The following SLC10A7 variants were observed in gnomAD, a reference collection of about 807,000 sequenced individuals.
SLC10A7 encodes solute carrier family 10 member 7.
A neutral mutation model predicts 43.2 loss-of-function variants in SLC10A7; 29 were observed. That is an observed-to-expected ratio of 0.67 (90% CI 0.50 to 0.92). The LOEUF is 0.92. SLC10A7 is among the 40% of genes least tolerant of loss of function. The pLI is 0.00. For synonymous variants in SLC10A7, 152 were observed against 144.8 expected (o/e 1.05, Z -0.35); for missense variants, 295 against 403.2 (o/e 0.73, Z 2.30).
Position 146,460,043 on chromosome 4 carries a change from A to G in SLC10A7, c.397-17222T>C, listed in dbSNP as rs184828102. On this transcript the variant is annotated intron_variant, in intron 4 of 11. Coordinates refer to ENST00000335472, the MANE Select transcript of SLC10A7 (RefSeq NM_001029998.6). The stretch of plus-strand genomic sequence containing the variant: ...GGCAAAAGATTTGAACAGACACTTC[A>G]CTGAAGAAGAGATGTGGATGACAAA... Among the ~76,000 whole-genome samples, 218 of 152,054 alleles carry G rather than the reference A, an allele frequency of 1.4e-3. 1 individual carries two copies. The highest frequency in any genetic ancestry group is 4.9e-3 in the African/African-American group (204 of 41,552).
intron 6 of SLC10A7, among the ~76,000 whole-genome samples, chr4:146,320,427 T>A (rs563865163): frequency 6.6e-6 from 1 of 151,990 alleles, no homozygotes; most frequent in East Asian, 1.9e-4. Flanking sequence ...GTTAGATGGA[T>A]CGTAAAGGTG....
chr4:146,390,892 G>T (rs1738379567), intron 5 of SLC10A7, among the ~76,000 whole-genome samples: 1 of 152,088 alleles, frequency 6.6e-6, no homozygotes, highest in Non-Finnish European at 1.5e-5. Flanking sequence ...TGGTTGTAAA[G>T]GTGGGAAATA....
rs375652313 is a variant in SLC10A7 at position 146,355,600 on chromosome 4, T to C, written c.436-29604A>G. On this transcript the variant is annotated intron_variant, in intron 5 of 11. Coordinates refer to ENST00000335472, the MANE Select transcript of SLC10A7 (RefSeq NM_001029998.6). ...AAGACACATGCACACGTATGTTTAT[T>C]GTGGCATTATTCACAATAGCAAAGA... Among the ~76,000 whole-genome samples the C allele has an allele frequency of 1.0e-3, 155 of 152,016 alleles. 1 individual carries two copies. In the East Asian group the frequency reaches 0.025, roughly 24 times the overall value.
intron 10 of SLC10A7, among the ~76,000 whole-genome samples, chr4:146,262,316 T>C (rs978407941): frequency 5.3e-5 from 8 of 152,106 alleles, no homozygotes; most frequent in Admixed American, 5.2e-4. Context: ...CATTTGGAAG[T>C]GGTGAGCTCA....
chr4:146,257,824 T>C (rs1001192), intron 11 of SLC10A7, among the ~76,000 whole-genome samples: 3,333 of 152,200 alleles, frequency 0.022, 112 homozygotes, highest in African/African-American at 0.076. Flanking sequence ...GATCCATCCT[T>C]TGAACCAGGT....
intron 5 of SLC10A7, among the ~76,000 whole-genome samples, chr4:146,430,717 T>A (rs867445354): frequency 1.3e-5 from 2 of 152,124 alleles, no homozygotes; most frequent in Non-Finnish European, 1.5e-5. Context: ...AAGCTCAGAG[T>A]ATAACCATCC....
intron 5 of SLC10A7, among the ~76,000 whole-genome samples, chr4:146,385,746 C>T (rs147996639): frequency 6.6e-6 from 1 of 152,114 alleles, no homozygotes; most frequent in African/African-American, 2.4e-5. Flanking sequence ...ACTCTTGCCC[C>T]CTTCCTCCCT....
At chr4:146,515,100 C>A in intron 2 of SLC10A7, 2 of 702,262 alleles carry the variant, frequency 2.8e-6, no homozygotes, top group Non-Finnish European at 5.2e-6. Context: ...CCTTCTTCAA[C>A]TCCTGCATCC....
At chr4:146,476,292 T>G (rs1489456349) in intron 4 of SLC10A7, among the ~76,000 whole-genome samples, 1 of 152,168 alleles carries the variant, frequency 6.6e-6, no homozygotes, top group Non-Finnish European at 1.5e-5. Flanking sequence ...GAAGATACGC[T>G]GCACAAAGAG....
chr4:146,441,458 A>G (rs1241869334), intron 5 of SLC10A7, among the ~76,000 whole-genome samples: 1 of 152,206 alleles, frequency 6.6e-6, no homozygotes, highest in Non-Finnish European at 1.5e-5. Flanking sequence ...TAGACATCCG[A>G]AAGAATAAGA....
chr4:146,503,513 G>A (rs528633164), intron 4 of SLC10A7, among the ~76,000 whole-genome samples: 15 of 152,200 alleles, frequency 9.9e-5, no homozygotes, highest in African/African-American at 2.6e-4. Context: ...ATAAGGAATC[G>A]CCATACTGGA....
At chr4:146,410,959 G>A (rs1430207116) in intron 5 of SLC10A7, among the ~76,000 whole-genome samples, 2 of 151,720 alleles carry the variant, frequency 1.3e-5, no homozygotes, top group Non-Finnish European at 2.9e-5. Flanking sequence ...TCAACCTCCC[G>A]AGTAATTGGA....
intron 5 of SLC10A7, among the ~76,000 whole-genome samples, chr4:146,411,636 T>C (rs573776665): frequency 1.1e-4 from 16 of 152,286 alleles, no homozygotes; most frequent in African/African-American, 3.8e-4. Flanking sequence ...ATATAGGCAC[T>C]TGAAAAATAA....
At chr4:146,258,644 G>A (rs769424444) in intron 11 of SLC10A7, 48 bp downstream of exon 11, 1 of 1,539,928 alleles carries the variant, frequency 6.5e-7, no homozygotes, top group South Asian at 1.2e-5. Context: ...TTCAGGAACA[G>A]CATTTTAATC....
In SLC10A7 at chr4:146,414,174, GCTCA is replaced by G. The variant is rs1327087721; in HGVS notation, c.435+28605_435+28608del. 8.7e-4 allele frequency among the ~76,000 whole-genome samples: 132 copies of G among 152,214 alleles called. 1 individual carries two copies. Among genetic ancestry groups the G allele is most frequent in the African/African-American group, 3.1e-3 (130 of 41,528 alleles). On this transcript the variant is annotated intron_variant, in intron 5 of 11. Coordinates refer to ENST00000335472, the MANE Select transcript of SLC10A7 (RefSeq NM_001029998.6). ...TGGGGAAGCTGCAAATTCCCAGAAA[GCTCA>G]CATAGGGCCCTCCTCAACATGACTA...
Position 146,503,890 on chromosome 4 carries a change from A to T in SLC10A7, c.355T>A (p.Ser119Thr), listed in dbSNP as rs763441419. ...QTVGCMPPPV[S>T]SAVILTKAVG... is the part of the protein sequence containing the mutation. ...GCCTTGGTTAAAATCACTGCAGAAG[A>T]CACAGGCGGAGGCATGCAACCTACT... Residue 119 changes from serine to threonine, a missense_variant, in exon 4 of 12, where the codon TCT (serine) becomes ACT (threonine). Coordinates refer to ENST00000335472, the MANE Select transcript of SLC10A7 (RefSeq NM_001029998.6). 4 of 1,614,222 alleles carry T rather than the reference A, an allele frequency of 2.5e-6. No individual in the cohort carries two copies. In the Admixed American group the frequency reaches 6.7e-5, roughly 27 times the overall value.
At chr4:146,272,041 A>G (rs1728931311) in intron 10 of SLC10A7, among the ~76,000 whole-genome samples, 1 of 152,124 alleles carries the variant, frequency 6.6e-6, no homozygotes, top group Non-Finnish European at 1.5e-5. Flanking sequence ...CCCACTAGAA[A>G]TTTTGGAAGC....
Position 146,521,879 on chromosome 4 carries a change from T to C in SLC10A7, c.-162A>G. The stretch of plus-strand genomic sequence containing the variant: ...TGTAAAGTAAAGACCTGGGGGTTGC[T>C]CCGGCGGCTTTGAGGAGGGTTGGGA... On this transcript the variant is annotated 5_prime_UTR_variant, in exon 1 of 12. Coordinates refer to ENST00000335472, the MANE Select transcript of SLC10A7 (RefSeq NM_001029998.6). 1.6e-6 allele frequency: 1 copy of C among 610,306 alleles called. No individual in the cohort carries two copies. The highest frequency in any genetic ancestry group is 2.9e-6 in the Non-Finnish European group (1 of 348,388). The allele number at this position is 610,306 out of a possible 1,614,324, so 37.8% of individuals were successfully genotyped here. A position where few individuals can be genotyped will look rare whatever the true frequency, so the allele number is the denominator to read the frequency against.
chr4:146,519,072 T>C (rs1483271017), intron 1 of SLC10A7, among the ~76,000 whole-genome samples: 1 of 10,664 alleles, frequency 9.4e-5, no homozygotes, highest in East Asian at 8.5e-3. Flanking sequence ...TCACCATATA[T>C]ATATATATAT....
Sources: allele counts gnomAD v4.1 joint callset (sites outside exome capture counted in the v4.1 genomes callset), GRCh38; gene constraint gnomAD v4.1.1; transcripts MANE v1.5; gene names NCBI Gene and HGNC (gene_info 2026-07-23, HGNC 2026-07-21).